CEACAM7: variants seen among roughly 807,000 people sequenced by gnomAD.
The protein encoded by CEACAM7 is CEA cell adhesion molecule 7, also known as cell adhesion molecule CEACAM7.
A neutral mutation model predicts 25.7 loss-of-function variants in CEACAM7; 24 were observed. That is an observed-to-expected ratio of 0.93 (90% CI 0.68 to 1.31). The LOEUF (loss-of-function observed/expected upper bound fraction) is 1.31. Ranked by LOEUF, CEACAM7 falls within the 40% of genes most tolerant of loss-of-function variation. The pLI is 0.00. For missense variants in CEACAM7, 324 were observed against 330.1 expected (o/e 0.98, Z 0.14); for synonymous variants, 144 against 129.4 (o/e 1.11, Z -0.77).
chr19:41,687,343 G>T (rs1299105389), intron 1 of CEACAM7, 122 bp from the exon 2 acceptor site: 1 of 953,544 alleles, frequency 1.0e-6, no homozygotes, highest in Non-Finnish European at 1.6e-6. Flanking sequence ...GTGTGTGTGT[G>T]TGTGTGTGTC....
intron 1 of CEACAM7, 63 bp from the exon 2 acceptor site, chr19:41,687,284 C>T (rs1555811342): frequency 2.6e-6 from 4 of 1,512,062 alleles, no homozygotes; most frequent in Non-Finnish European, 3.5e-6. Flanking sequence ...AAAGATGGGG[C>T]CCTGGATCCT....
At position 41,683,937 on chromosome 19, in the gene CEACAM7, C is replaced by T. The variant is rs782029246; in HGVS notation, c.554G>A (p.Ser185Asn). The T allele has an allele frequency of 3.1e-6, 5 of 1,614,196 alleles. No homozygotes were observed. The highest frequency in any genetic ancestry group is 1.6e-4 in the Middle Eastern group (1 of 6,062). Residue 185 changes from serine (S) to asparagine (N), a missense_variant, in exon 3 of 5, where the codon AGC becomes AAC. Physicochemically the swap from Ser to Asn is conservative, Grantham distance 46 (BLOSUM62 1). Transcript: ENST00000401731. ...CAGCAGCCTGGGACTGACCAGGAGG[C>T]TCTGATTGTTTACCCACCACAGGTA... ...TTYLWWVNNQ[S>N]LLVSPRLLLS... is the part of the protein sequence containing the mutation.
At position 41,674,404 on chromosome 19, in the gene CEACAM7, T is replaced by A. The variant is rs553887324; in HGVS notation, c.*372A>T. 442 of 154,968 alleles carry A rather than the reference T, an allele frequency of 2.9e-3. 2 individuals carry two copies. Among genetic ancestry groups the A allele is most frequent in the Non-Finnish European group, 5.2e-3 (360 of 69,792 alleles). 9.6% of individuals were successfully genotyped at this position (154,968 alleles called of 1,614,324 possible). On this transcript the variant is annotated 3_prime_UTR_variant, in exon 5 of 5. Transcript: ENST00000401731. Reference sequence around the variant, plus strand: ...TTGTGAAATTCTAGTTACAGCATTATCTTACCAAATTAAAGAGGCAGGCAT... The same window carrying A: ...TTGTGAAATTCTAGTTACAGCATTAACTTACCAAATTAAAGAGGCAGGCAT...
chr19:41,681,598 T>C (rs1170962057), intron 3 of CEACAM7, among the ~76,000 whole-genome samples: 1 of 152,114 alleles, frequency 6.6e-6, no homozygotes, highest in Non-Finnish European at 1.5e-5. Context: ...CATTCAGTCT[T>C]AACAGGTAAT....
At chr19:41,675,462 A>G (rs1555810042) in intron 4 of CEACAM7, among the ~76,000 whole-genome samples, 1 of 152,224 alleles carries the variant, frequency 6.6e-6, no homozygotes, top group African/African-American at 2.4e-5. Context: ...GTCCCATGAA[A>G]TTAATTTTTT....
chr19:41,682,367 C>T (rs1338905600), intron 3 of CEACAM7, among the ~76,000 whole-genome samples: 1 of 152,172 alleles, frequency 6.6e-6, no homozygotes, highest in South Asian at 2.1e-4. Flanking sequence ...TGCCCCTTCC[C>T]TCCCTTGCAG....
chr19:41,682,359 C>T (rs947023238), intron 3 of CEACAM7, among the ~76,000 whole-genome samples: 1 of 152,156 alleles, frequency 6.6e-6, no homozygotes, highest in Admixed American at 6.5e-5. Flanking sequence ...TGTGGCCCTG[C>T]CCCTTCCCTC....
chr19:41,681,071 A>C (rs1221715295), intron 3 of CEACAM7, among the ~76,000 whole-genome samples: 1 of 152,256 alleles, frequency 6.6e-6, no homozygotes, highest in Non-Finnish European at 1.5e-5. Context: ...ATAACTCAAC[A>C]GCAAAAACCC....
chr19:41,674,504 A>G lies in CEACAM7; in HGVS notation c.*272T>C, dbSNP rs1555809937. 6.0e-6 allele frequency: 1 copy of G among 165,594 alleles called. No homozygotes were observed. The highest frequency in any genetic ancestry group is 1.3e-5 in the Non-Finnish European group (1 of 76,456). 10.3% of individuals were successfully genotyped at this position (165,594 alleles called of 1,614,324 possible). On this transcript the variant is annotated 3_prime_UTR_variant, in exon 5 of 5. Transcript: ENST00000401731. ...GGACATCTTGGGAAAAACTGTCCAC[A>G]GCATGAAGTCATCAACTTCTTGTCC...
rs1555811307 is a variant in CEACAM7, at chr19:41,687,172, A to G, written c.114T>C (p.Ile38=). The change falls in exon 2 of 5, where the codon ATT becomes ATC. Residue 38 remains isoleucine (I), a synonymous_variant. Coordinates refer to ENST00000401731, the MANE Select transcript of CEACAM7 (RefSeq NM_001291485.2). ...WNLPNSAQTN[I]DVVPFNVAEG... ...CTGCGACATTGAACGGCACGACATCAATATTGGTCTGGGCACTGTTTGGCA... is the reference window on the plus strand; with the variant it reads ...CTGCGACATTGAACGGCACGACATCGATATTGGTCTGGGCACTGTTTGGCA... The G allele has an allele frequency of 1.9e-6, 3 of 1,613,610 alleles. No homozygotes were observed. The highest frequency in any genetic ancestry group is 2.5e-6 in the Non-Finnish European group (3 of 1,179,736).
chr19:41,675,871 C>T (rs1600426247), intron 4 of CEACAM7, among the ~76,000 whole-genome samples: 1 of 152,208 alleles, frequency 6.6e-6, no homozygotes, highest in East Asian at 1.9e-4. Context: ...ACATCAATAA[C>T]ATACCCGCAA....
chr19:41,685,840 A>T (rs2072220538), intron 2 of CEACAM7, among the ~76,000 whole-genome samples: 1 of 152,102 alleles, frequency 6.6e-6, no homozygotes. Context: ...CTAGACCAGA[A>T]TCTCCCACTT....
intron 4 of CEACAM7, among the ~76,000 whole-genome samples, chr19:41,676,214 T>C (rs2072112420): frequency 6.6e-6 from 1 of 152,354 alleles, no homozygotes; most frequent in East Asian, 1.9e-4. Context: ...CTCTAGACCA[T>C]TAAATCAAAA....
rs140495042 is a variant in CEACAM7 at position 41,686,865 on chromosome 19, C to T, written c.421G>A (p.Val141Ile). ...TCATGGAGGTATCACTCACAGAATA[C>T]GTAGAATTGTCTGGTTACTTCTTCA... is the stretch of plus-strand genomic sequence containing the variant. ...VNEEVTRQFY[V>I]FSEPPKPSIT... The change falls in exon 2 of 5, where the codon GTA becomes ATA. Residue 141 changes from valine (V) to isoleucine (I), a missense_variant. Transcript: ENST00000401731. The T allele has an allele frequency of 2.6e-6, 4 of 1,528,372 alleles. No individual in the cohort carries two copies. Among genetic ancestry groups the T allele is most frequent in the Admixed American group, 2.2e-5 (1 of 46,148 alleles). The allele number at this position is 1,528,372 out of a possible 1,614,324, so 94.7% of individuals were successfully genotyped here.
Position 41,676,329 on chromosome 19 carries a change from T to C in CEACAM7, c.*36+1047A>G, listed in dbSNP as rs2072113444. Among the ~76,000 whole-genome samples, 4 of 152,244 alleles carry C rather than the reference T, an allele frequency of 2.6e-5. No homozygotes were observed. The South Asian group carries it at 8.3e-4, about 32-fold the overall frequency. On this transcript the variant is annotated intron_variant, in intron 4 of 4. Coordinates refer to ENST00000401731, the MANE Select transcript of CEACAM7 (RefSeq NM_001291485.2). ...GATTTCTCTTTCTTCTTGTGGAATT[T>C]ATCTTTTTCTATTTTGGTATTACAA... is the stretch of plus-strand genomic sequence containing the variant.
chr19:41,687,457 C>A (rs2072240591), intron 1 of CEACAM7, among the ~76,000 whole-genome samples: 1 of 152,198 alleles, frequency 6.6e-6, no homozygotes, highest in South Asian at 2.1e-4. Flanking sequence ...TCCCTCCATA[C>A]TGCTGGACCT....
rs1172843644 is a variant in CEACAM7 at position 41,677,375 on chromosome 19, C to T, written c.*36+1G>A. 2.0e-6 allele frequency: 3 copies of T among 1,473,150 alleles called. No individual in the cohort carries two copies. Among genetic ancestry groups the T allele is most frequent in the African/African-American group, 2.8e-5 (2 of 71,932 alleles). 91.3% of individuals were successfully genotyped at this position (1,473,150 alleles called of 1,614,324 possible). ...ATAAGAGGAAAGGTCATAATACCTACCACTCTTCCCGAAATGCAGAAACTA... is the reference window on the plus strand; with the variant it reads ...ATAAGAGGAAAGGTCATAATACCTATCACTCTTCCCGAAATGCAGAAACTA... On this transcript the variant is annotated splice_donor_variant, in intron 4 of 4. Coordinates refer to ENST00000401731, the MANE Select transcript of CEACAM7 (RefSeq NM_001291485.2). LOFTEE classifies it low-confidence loss of function (3UTR_SPLICE).
intron 2 of CEACAM7, among the ~76,000 whole-genome samples, chr19:41,685,898 G>A (rs1488204128): frequency 6.6e-6 from 1 of 152,104 alleles, no homozygotes; most frequent in Admixed American, 6.5e-5. Flanking sequence ...AAAGACCTGG[G>A]GACTCTGATG....
In CEACAM7 at chr19:41,673,759, T is replaced by C. The variant is rs1162247299; in HGVS notation, c.*1017A>G. ...TTGGACTTCCATCATTCATAGGTTATGATGTCCTCCTAATCATACATTTAT... is the reference window on the plus strand; with the variant it reads ...TTGGACTTCCATCATTCATAGGTTACGATGTCCTCCTAATCATACATTTAT... On this transcript the variant is annotated 3_prime_UTR_variant, in exon 5 of 5. Coordinates refer to ENST00000401731, the MANE Select transcript of CEACAM7 (RefSeq NM_001291485.2). The C allele has an allele frequency of 6.6e-6, 1 of 152,260 alleles. No individual in the cohort carries two copies. The highest frequency in any genetic ancestry group is 1.5e-5 in the Non-Finnish European group (1 of 68,046). The allele number at this position is 152,260 out of a possible 1,614,324, so 9.4% of individuals were successfully genotyped here.
Sources: gnomAD v4.1 joint callset for allele counts (sites outside exome capture counted in the v4.1 genomes callset) on GRCh38, gnomAD v4.1.1 for gene constraint, MANE v1.5 for transcripts, NCBI Gene and HGNC (gene_info 2026-07-23, HGNC 2026-07-21) for gene names.